ZNF138: variants seen among roughly 807,000 people sequenced by gnomAD.
The protein encoded by ZNF138 is zinc finger protein 138.
ZNF138 carries 33 observed loss-of-function variants against 33.0 expected under a neutral mutation model. That is an observed-to-expected ratio of 1.00 (90% CI 0.76 to 1.34). ZNF138 has a LOEUF of 1.34. Ranked by LOEUF, ZNF138 falls within the 40% of genes most tolerant of loss-of-function variation. The pLI is 0.00. For synonymous variants in ZNF138, 139 were observed against 120.4 expected (o/e 1.15, Z -1.01); for missense variants, 360 against 370.8 (o/e 0.97, Z 0.24).
intron 1 of ZNF138, among the ~76,000 whole-genome samples, chr7:64,813,143 C>G (rs1055715947): frequency 6.6e-6 from 1 of 151,962 alleles, no homozygotes; most frequent in Admixed American, 6.6e-5. Context: ...AAAAATGTTC[C>G]ATTTGTGGAA....
chr7:64,849,769 AC>A, the ZNF138 span, among the ~76,000 whole-genome samples: 1 of 151,680 alleles, frequency 6.6e-6, no homozygotes, highest in African/African-American at 2.4e-5. Context: ...CTCTCATGCA[AC>A]CCCAAAAGCA....
Position 64,833,418 on chromosome 7 carries a change from G to T in ZNF138, c.*1216G>T, listed in dbSNP as rs988010970. 1 of 159,366 alleles carries T rather than the reference G, an allele frequency of 6.3e-6. No individual in the cohort carries two copies. Among genetic ancestry groups the T allele is most frequent in the African/African-American group, 2.4e-5 (1 of 41,450 alleles). 9.9% of individuals were successfully genotyped at this position (159,366 alleles called of 1,614,324 possible). On this transcript the variant is annotated 3_prime_UTR_variant, in exon 4 of 4. Coordinates refer to ENST00000307355, the MANE Select transcript of ZNF138 (RefSeq NM_001271639.2). The stretch of plus-strand genomic sequence containing the variant: ...TGGTAAGAAATTATAAAAATGTGAA[G>T]AATGTGACAAAGCCTTTAAATGGTT...
intron 2 of ZNF138, 48 bp downstream of exon 2, chr7:64,815,092 A>AT (rs202087633): frequency 0.2 from 231,663 of 1,159,206 alleles, 588 homozygotes; most frequent in Non-Finnish European, 0.21. Context: ...TAAAGGTTTC[A>AT]TTTTTTTTTT....
downstream of ZNF138, among the ~76,000 whole-genome samples, chr7:64,834,202 A>G (rs1790300081): frequency 6.6e-6 from 1 of 152,200 alleles, no homozygotes; most frequent in Admixed American, 6.5e-5. Context: ...GAGAAAAACT[A>G]CAAATGTAAT....
intron 3 of ZNF138, among the ~76,000 whole-genome samples, chr7:64,826,928 G>A (rs1258445458): frequency 6.6e-6 from 1 of 151,396 alleles, no homozygotes; most frequent in Non-Finnish European, 1.5e-5. Context: ...GGGATTACAG[G>A]TGTGAGCCAC....
chr7:64,852,772 C>T, the ZNF138 span: 1 of 856,410 alleles, frequency 1.2e-6, no homozygotes, highest in Non-Finnish European at 2.0e-6. Flanking sequence ...TCAACACCAG[C>T]ACATCCCCTG....
chr7:64,815,092 AT>A (rs202087633), intron 2 of ZNF138, 48 bp downstream of exon 2: 187,479 of 1,159,212 alleles, frequency 0.16, 531 homozygotes, highest in East Asian at 0.26. Flanking sequence ...TAAAGGTTTC[AT>A]TTTTTTTTTT....
At chr7:64,819,745 CATAAA>C (rs1044377199) in intron 3 of ZNF138, among the ~76,000 whole-genome samples, 2 of 980 alleles carry the variant, frequency 2.0e-3, no homozygotes, top group African/African-American at 5.9e-3. Context: ...AAACTCATAA[CATAAA>C]ATTTACCATC....
At chr7:64,828,537 A>G (rs1175279028) in intron 3 of ZNF138, among the ~76,000 whole-genome samples, 1 of 152,134 alleles carries the variant, frequency 6.6e-6, no homozygotes, top group Non-Finnish European at 1.5e-5. Context: ...TTTAAATTAT[A>G]TTTACTGAAT....
chr7:64,835,624 C>A (rs1455121145), downstream of ZNF138: 1 of 152,036 alleles, frequency 6.6e-6, no homozygotes, highest in Non-Finnish European at 1.5e-5. Context: ...ATAATAGCAG[C>A]ATTCTTCCTG....
At position 64,831,873 on chromosome 7, in the gene ZNF138, T is replaced by G. The variant is rs748610868; in HGVS notation, c.631T>G (p.Ser211Ala). 6.2e-7 allele frequency: 1 copy of G among 1,613,820 alleles called. No homozygotes were observed. Reference sequence around the variant, plus strand: ...AACCTTTAACTGGTCCACAAACCTTTCTAAACCTAAGAAAATTCATACTGG... The same window carrying G: ...AACCTTTAACTGGTCCACAAACCTTGCTAAACCTAAGAAAATTCATACTGG... ...GKTFNWSTNLSKPKKIHTGEK... is the reference protein window; with the variant it reads ...GKTFNWSTNLAKPKKIHTGEK... Residue 211 changes from serine to alanine, a missense_variant, in exon 4 of 4, where the codon TCT becomes GCT. Physicochemically the swap from Ser to Ala is moderately conservative, Grantham distance 99. Transcript: ENST00000307355.
chr7:64,824,055 G>C (rs4327747), intron 3 of ZNF138, among the ~76,000 whole-genome samples: 150,187 of 152,344 alleles, frequency 0.99, 74,065 homozygotes, highest in East Asian at 1. Context: ...GCACATAACT[G>C]TTAAGCCTAG....
Position 64,812,850 on chromosome 7 carries a change from C to CTTTTTTTTTTTTT in ZNF138, c.4-2062_4-2050dup, listed in dbSNP as rs34197599. On this transcript the variant is annotated intron_variant, in intron 1 of 3. Coordinates refer to ENST00000307355, the MANE Select transcript of ZNF138 (RefSeq NM_001271639.2). Reference sequence around the variant, plus strand: ...GAAGGAGAAAGGGGAAAAAAATTGCCTTTTTTTTTTTTTTTTTTAGCTTAA... The same window carrying CTTTTTTTTTTTTT: ...GAAGGAGAAAGGGGAAAAAAATTGCCTTTTTTTTTTTTTTTTTTTTTTTTTTTTTTTAGCTTAA... Among the ~76,000 whole-genome samples, 8 of 142,074 alleles carry CTTTTTTTTTTTTT rather than the reference C, an allele frequency of 5.6e-5. 3 individuals are homozygous for CTTTTTTTTTTTTT. The highest frequency in any genetic ancestry group is 9.1e-5 in the Non-Finnish European group (6 of 65,634). 93.2% of individuals were successfully genotyped at this position (142,074 alleles called of 152,430 possible). A position where few individuals can be genotyped will look rare whatever the true frequency, so the allele number is the denominator to read the frequency against.
chr7:64,806,264 T>C (rs1056194496), intron 1 of ZNF138, among the ~76,000 whole-genome samples: 4 of 152,204 alleles, frequency 2.6e-5, no homozygotes, highest in African/African-American at 9.6e-5. Context: ...CTATTTTGTA[T>C]CTATAGTACT....
intron 1 of ZNF138, among the ~76,000 whole-genome samples, chr7:64,798,264 A>G (rs1786855789): frequency 6.6e-6 from 1 of 152,240 alleles, no homozygotes; most frequent in Non-Finnish European, 1.5e-5. Flanking sequence ...AGATTAGAAA[A>G]TGTTTTACCC....
At chr7:64,798,893 A>G (rs1434062470) in intron 1 of ZNF138, among the ~76,000 whole-genome samples, 1 of 141,366 alleles carries the variant, frequency 7.1e-6, no homozygotes, top group East Asian at 2.1e-4. Flanking sequence ...ATTCTGTTGC[A>G]TTGTTCTATG....
chr7:64,806,788 A>G (rs578210642), intron 1 of ZNF138, among the ~76,000 whole-genome samples: 1 of 152,244 alleles, frequency 6.6e-6, no homozygotes, highest in African/African-American at 2.4e-5. Flanking sequence ...TTAACAATGT[A>G]TATCCAATTA....
chr7:64,839,702 TGGA>T, the ZNF138 span, among the ~76,000 whole-genome samples: 1 of 151,886 alleles, frequency 6.6e-6, no homozygotes, highest in African/African-American at 2.4e-5. Context: ...CCGATGGCCG[TGGA>T]GGAGAAGCCT....
the ZNF138 span, chr7:64,852,809 T>C: frequency 1.2e-6 from 1 of 845,450 alleles, no homozygotes; most frequent in Non-Finnish European, 2.1e-6. Context: ...CATGATAAAT[T>C]CACTGGGCTG....
Sources: allele counts gnomAD v4.1 joint callset (sites outside exome capture counted in the v4.1 genomes callset), GRCh38; gene constraint gnomAD v4.1.1; transcripts MANE v1.5; gene names NCBI Gene and HGNC (gene_info 2026-07-23, HGNC 2026-07-21).